Variants in AKAP12 observed in about 807,000 individuals in gnomAD.
The protein encoded by AKAP12 is A-kinase anchoring protein 12.
In AKAP12, 32 loss-of-function variants were observed where a neutral mutation model predicts 79.9. The observed-to-expected ratio is 0.40, with a 90% CI of 0.30 to 0.54. AKAP12 has a LOEUF of 0.54. Ranked by LOEUF, AKAP12 falls within the 20% of genes least tolerant of loss-of-function variation. AKAP12 has a pLI of 0.48. For missense variants in AKAP12, 2,074 were observed against 2,177.0 expected, an observed-to-expected ratio of 0.95 and a Z score of 0.94; for synonymous variants, 808 against 857.0, an observed-to-expected ratio of 0.94 and a Z score of 1.00.
chr6:151,274,711 G>C (rs947492353), intron 2 of AKAP12, among the ~76,000 whole-genome samples: 9 of 152,106 alleles, frequency 5.9e-5, no homozygotes, highest in Admixed American at 4.6e-4. Flanking sequence ...TTGTGAGTTG[G>C]GGGCATCTCA....
chr6:151,281,383 G>C (rs1776403946), intron 2 of AKAP12, among the ~76,000 whole-genome samples: 1 of 152,180 alleles, frequency 6.6e-6, no homozygotes, highest in South Asian at 2.1e-4. Context: ...TTGCATTTCT[G>C]TAACGTATGG....
At chr6:151,339,509 T>C (rs1255459785) in intron 3 of AKAP12, among the ~76,000 whole-genome samples, 2 of 151,892 alleles carry the variant, frequency 1.3e-5, no homozygotes, top group Admixed American at 6.5e-5. Flanking sequence ...AACGTCTGCA[T>C]AGCCTCCCCC....
intron 3 of AKAP12, among the ~76,000 whole-genome samples, chr6:151,332,255 C>A (rs1777695134): frequency 6.6e-6 from 1 of 152,060 alleles, no homozygotes; most frequent in Non-Finnish European, 1.5e-5. Flanking sequence ...CCAGGATGGT[C>A]TCGATCTCCT....
At chr6:151,338,378 T>C (rs1777867187) in intron 3 of AKAP12, among the ~76,000 whole-genome samples, 1 of 152,192 alleles carries the variant, frequency 6.6e-6, no homozygotes, top group Non-Finnish European at 1.5e-5. Context: ...ATGTTCAAAG[T>C]ATAAGTTCCC....
intron 3 of AKAP12, chr6:151,325,742 CT>C: frequency 6.4e-7 from 1 of 1,563,496 alleles, no homozygotes; most frequent in Non-Finnish European, 8.7e-7. Flanking sequence ...TGTCTGGGCG[CT>C]CAGTCCGCTC....
chr6:151,304,375 G>C (rs375960772), intron 2 of AKAP12, among the ~76,000 whole-genome samples: 1 of 150,046 alleles, frequency 6.7e-6, no homozygotes, highest in African/African-American at 2.4e-5. Context: ...TGTAATCCCT[G>C]CTATGTGGGA....
At chr6:151,337,284 C>G (rs1217171800) in intron 3 of AKAP12, among the ~76,000 whole-genome samples, 1 of 151,364 alleles carries the variant, frequency 6.6e-6, no homozygotes, top group African/African-American at 2.4e-5. Flanking sequence ...GTGGGTAGAT[C>G]ACCTGAGGTC....
chr6:151,336,994 A>AT (rs1467020919), intron 3 of AKAP12, among the ~76,000 whole-genome samples: 2 of 151,550 alleles, frequency 1.3e-5, no homozygotes, highest in South Asian at 2.1e-4. Context: ...CTCTGCCTGA[A>AT]TTTTTTTTCT....
Position 151,240,464 on chromosome 6 carries a change from G to A in AKAP12, c.-99G>A. 7.9e-7 allele frequency: 1 copy of A among 1,267,884 alleles called. No homozygotes were observed. The highest frequency in any genetic ancestry group is 4.2e-5 in the Admixed American group (1 of 23,844). The allele number at this position is 1,267,884 out of a possible 1,614,324, so 78.5% of individuals were successfully genotyped here. On this transcript the variant is annotated 5_prime_UTR_variant, in exon 2 of 5. Coordinates refer to ENST00000402676, the MANE Select transcript of AKAP12 (RefSeq NM_005100.4). The stretch of plus-strand genomic sequence containing the variant: ...CTGGCGGCGAAGGAAGGCGCTCTCG[G>A]GACCTCGCGGGCGCGCGTCTTTTGG...
chr6:151,324,753 T>C (rs1174819197), intron 3 of AKAP12: 14 of 985,128 alleles, frequency 1.4e-5, no homozygotes, highest in Non-Finnish European at 1.6e-5. Flanking sequence ...TAACAAAAAA[T>C]TGGAGTACAA....
Position 151,352,546 on chromosome 6 carries a change from G to A in AKAP12, c.4155G>A (p.Gly1385=), listed in dbSNP as rs41289377. The A allele has an allele frequency of 5.5e-3, 8,907 of 1,614,186 alleles. 36 individuals carry two copies. The highest frequency in any genetic ancestry group is 6.4e-3 in the Non-Finnish European group (7,563 of 1,180,044). The change falls in exon 4 of 5, where the codon GGG becomes GGA. Residue 1385 remains glycine (G), a synonymous_variant. Coordinates refer to ENST00000402676, the MANE Select transcript of AKAP12 (RefSeq NM_005100.4). ...LQTVNVPIID[G]AKEVSSLEGS... ...CAGTGAATGTGCCCATCATAGATGG[G>A]GCAAAGGAAGTCAGCAGTTTGGAAG...
At chr6:151,280,902 C>A (rs1313408046) in intron 2 of AKAP12, among the ~76,000 whole-genome samples, 3 of 152,130 alleles carry the variant, frequency 2.0e-5, no homozygotes, top group African/African-American at 7.2e-5. Context: ...TGACTTTTGA[C>A]TGAGTTGCAG....
chr6:151,249,844 G>T (rs1797141458), intron 2 of AKAP12, among the ~76,000 whole-genome samples: 1 of 152,194 alleles, frequency 6.6e-6, no homozygotes, highest in Non-Finnish European at 1.5e-5. Flanking sequence ...GCAAGCCCAT[G>T]GTTTAAAATA....
At chr6:151,299,278 T>G (rs1776804367) in intron 2 of AKAP12, among the ~76,000 whole-genome samples, 1 of 152,230 alleles carries the variant, frequency 6.6e-6, no homozygotes, top group Non-Finnish European at 1.5e-5. Context: ...TTAAAAGATT[T>G]ATGAACCCTG....
chr6:151,263,439 A>T lies in AKAP12; in HGVS notation c.162+22715A>T, dbSNP rs374962460. On this transcript the variant is annotated intron_variant, in intron 2 of 4. Coordinates refer to ENST00000402676, the MANE Select transcript of AKAP12 (RefSeq NM_005100.4). ...TCCTGAAAGCTTTGCTTTTCCACTA[A>T]CTCAGAACTCTTCCTCTAACTCTGT... Among the ~76,000 whole-genome samples, 28 of 152,040 alleles carry T rather than the reference A, an allele frequency of 1.8e-4. 2 individuals carry two copies. The East Asian group carries it at 5.0e-3, about 27-fold the overall frequency.
chr6:151,307,691 G>T (rs1393787107), intron 3 of AKAP12, among the ~76,000 whole-genome samples: 3 of 152,098 alleles, frequency 2.0e-5, no homozygotes, highest in African/African-American at 7.2e-5. Context: ...GTCCAGATGT[G>T]ATTTCTTTTA....
chr6:151,348,718 G>A lies in AKAP12; in HGVS notation c.327G>A (p.Gln109=), dbSNP rs1206369566. ...EEEVIVTEVG[Q]RDSEDVSKRD... ...GCCCCTTTTTGTTAATAGTTGGACA[G>A]AGAGACTCTGAAGATGTGAGCAAAA... The change falls in exon 4 of 5, where the codon CAG becomes CAA. Residue 109 remains glutamine, a synonymous_variant. Coordinates refer to ENST00000402676, the MANE Select transcript of AKAP12 (RefSeq NM_005100.4). 3.1e-6 allele frequency: 4 copies of A among 1,290,874 alleles called. No homozygotes were observed. Among genetic ancestry groups the A allele is most frequent in the Admixed American group, 4.6e-5 (2 of 43,956 alleles). 80.0% of individuals were successfully genotyped at this position (1,290,874 alleles called of 1,614,324 possible).
At chr6:151,333,658 G>A (rs1322414868) in intron 3 of AKAP12, among the ~76,000 whole-genome samples, 4 of 151,158 alleles carry the variant, frequency 2.6e-5, no homozygotes, top group Middle Eastern at 3.4e-3. Flanking sequence ...CAGGAAAATT[G>A]CTTGAACCCG....
At chr6:151,278,906 A>G (rs971600002) in intron 2 of AKAP12, among the ~76,000 whole-genome samples, 2 of 152,050 alleles carry the variant, frequency 1.3e-5, no homozygotes, top group African/African-American at 4.8e-5. Flanking sequence ...TGACCTTGTG[A>G]TCCGCCTGCC....
Sources: allele counts gnomAD v4.1 joint callset (sites outside exome capture counted in the v4.1 genomes callset), GRCh38; gene constraint gnomAD v4.1.1; transcripts MANE v1.5; gene names NCBI Gene and HGNC (gene_info 2026-07-23, HGNC 2026-07-21).